GABPB1: variants seen among roughly 807,000 people sequenced by gnomAD.
The protein encoded by GABPB1 is GA-binding protein subunit beta-1.
In GABPB1, 15 loss-of-function variants were observed where a neutral mutation model predicts 45.9. The observed-to-expected ratio is 0.33, with a 90% CI of 0.22 to 0.50. GABPB1 has a LOEUF of 0.50. Ranked by LOEUF, GABPB1 falls within the 20% of genes least tolerant of loss-of-function variation. The pLI is 0.98. For synonymous variants in GABPB1, 143 were observed against 154.4 expected (o/e 0.93, Z 0.55); for missense variants, 252 against 457.5 (o/e 0.55, Z 4.10).
chr15:50,304,560 A>C (rs1281846748), intron 2 of GABPB1, among the ~76,000 whole-genome samples: 2 of 152,104 alleles, frequency 1.3e-5, no homozygotes, highest in Non-Finnish European at 2.9e-5. Context: ...AAAATACAGA[A>C]ATTAGCCAGG....
At chr15:50,302,573 G>A (rs1431050947) in intron 4 of GABPB1, among the ~76,000 whole-genome samples, 3 of 142,842 alleles carry the variant, frequency 2.1e-5, no homozygotes, top group Non-Finnish European at 3.0e-5. Flanking sequence ...GAACCCAGGA[G>A]GCAGAAGTTG....
At chr15:50,341,817 TA>T (rs1301509277) in intron 1 of GABPB1, among the ~76,000 whole-genome samples, 3 of 152,310 alleles carry the variant, frequency 2.0e-5, no homozygotes, top group African/African-American at 7.2e-5. Context: ...GTTTTGGAAT[TA>T]TTGAGAGATG....
At chr15:50,296,823 G>C (rs1044232137) in intron 6 of GABPB1, among the ~76,000 whole-genome samples, 2 of 150,706 alleles carry the variant, frequency 1.3e-5, no homozygotes, top group African/African-American at 4.9e-5. Context: ...ATCTGTGGTA[G>C]ATTTAGCTTT....
chr15:50,332,428 G>C (rs887920184), intron 1 of GABPB1, among the ~76,000 whole-genome samples: 1 of 152,092 alleles, frequency 6.6e-6, no homozygotes, highest in African/African-American at 2.4e-5. Context: ...ACCCTGTTTG[G>C]ATTCCAGTTT....
chr15:50,290,214 G>A (rs1420920658), intron 6 of GABPB1, among the ~76,000 whole-genome samples: 1 of 152,106 alleles, frequency 6.6e-6, no homozygotes, highest in Non-Finnish European at 1.5e-5. Flanking sequence ...ACATGTGAGT[G>A]GTTAAACAAT....
rs1169577789 is a variant in GABPB1 at position 50,355,034 on chromosome 15, G to C, written c.-50C>G. The C allele has an allele frequency of 6.4e-6, 1 of 155,300 alleles. No homozygotes were observed. Among genetic ancestry groups the C allele is most frequent in the Non-Finnish European group, 1.4e-5 (1 of 69,868 alleles). 9.6% of individuals were successfully genotyped at this position (155,300 alleles called of 1,614,324 possible). On this transcript the variant is annotated 5_prime_UTR_variant, in exon 1 of 9. Coordinates refer to ENST00000380877, the MANE Select transcript of GABPB1 (RefSeq NM_016654.5). The stretch of plus-strand genomic sequence containing the variant: ...CGGGAAGGCAGCAGGAGGTGGTGCG[G>C]GGACCCGAGGCGCCTCGTACCCGGC...
chr15:50,353,117 A>G (rs1371810149), intron 1 of GABPB1: 2 of 152,268 alleles, frequency 1.3e-5, no homozygotes, highest in Non-Finnish European at 2.9e-5. Flanking sequence ...TTACTTGTGT[A>G]AATCATTATA....
intron 1 of GABPB1, among the ~76,000 whole-genome samples, chr15:50,333,100 C>A (rs942813217): frequency 2.0e-5 from 3 of 151,726 alleles, no homozygotes; most frequent in African/African-American, 7.3e-5. Flanking sequence ...CTTAAAAATT[C>A]AGTTTATTGA....
chr15:50,305,603 T>G (rs941506198), intron 2 of GABPB1, among the ~76,000 whole-genome samples: 1 of 152,234 alleles, frequency 6.6e-6, no homozygotes, highest in Non-Finnish European at 1.5e-5. Flanking sequence ...TTTGTCAATT[T>G]TTCTTTAACT....
intron 1 of GABPB1, among the ~76,000 whole-genome samples, chr15:50,315,148 T>C (rs2047272196): frequency 6.6e-6 from 1 of 152,192 alleles, no homozygotes. Flanking sequence ...TTCTTTTCTT[T>C]TGAGATAGAG....
intron 1 of GABPB1, among the ~76,000 whole-genome samples, chr15:50,335,466 G>A (rs954049461): frequency 6.6e-6 from 1 of 152,256 alleles, no homozygotes; most frequent in Admixed American, 6.5e-5. Flanking sequence ...GCTTCAGTTC[G>A]CCAGATAGTC....
chr15:50,290,967 T>C (rs534553362), intron 6 of GABPB1, among the ~76,000 whole-genome samples: 2 of 152,300 alleles, frequency 1.3e-5, no homozygotes, highest in African/African-American at 2.4e-5. Context: ...TAGAAGAATA[T>C]ACATGGTAGC....
intron 1 of GABPB1, among the ~76,000 whole-genome samples, chr15:50,343,854 A>G (rs1192269464): frequency 2.0e-5 from 3 of 152,170 alleles, no homozygotes; most frequent in Non-Finnish European, 2.9e-5. Context: ...TGTAGTTACC[A>G]CACATGCACA....
intron 1 of GABPB1, among the ~76,000 whole-genome samples, chr15:50,321,764 G>C (rs1182229550): frequency 6.6e-6 from 1 of 151,392 alleles, no homozygotes; most frequent in Non-Finnish European, 1.5e-5. Context: ...TTGGCACACA[G>C]TAGAAACTCC....
intron 2 of GABPB1, among the ~76,000 whole-genome samples, chr15:50,306,458 C>T (rs1010253514): frequency 2.6e-5 from 4 of 151,948 alleles, no homozygotes; most frequent in African/African-American, 9.7e-5. Flanking sequence ...GGTGAAACCT[C>T]ATCTACTAAA....
At chr15:50,286,349 TTTA>T (rs1449070324) in intron 7 of GABPB1, among the ~76,000 whole-genome samples, 166 bp from the exon 8 acceptor site, 1 of 152,114 alleles carries the variant, frequency 6.6e-6, no homozygotes, top group African/African-American at 2.4e-5. Context: ...ATTTGTCTTT[TTTA>T]TTACCTTCTT....
At chr15:50,349,856 GT>G (rs2048755621) in intron 1 of GABPB1, 1 of 152,124 alleles carries the variant, frequency 6.6e-6, no homozygotes, top group Non-Finnish European at 1.5e-5. Flanking sequence ...CATTGTAGAA[GT>G]TAGAAAATTT....
chr15:50,348,493 C>T lies in GABPB1; in HGVS notation c.-1+6492G>A, dbSNP rs571247995. On this transcript the variant is annotated intron_variant, in intron 1 of 8. Transcript: ENST00000380877. The stretch of plus-strand genomic sequence containing the variant: ...CTCGAATTCTTGACCTCAAGTGATC[C>T]GCCCGCCTCGGCCTCCCAAAGTGCT... 7.2e-5 allele frequency among the ~76,000 whole-genome samples: 11 copies of T among 151,812 alleles called. No individual in the cohort carries two copies. The East Asian group carries it at 1.8e-3, about 24-fold the overall frequency.
intron 6 of GABPB1, among the ~76,000 whole-genome samples, chr15:50,291,910 T>C (rs1174829764): frequency 7.5e-6 from 1 of 132,854 alleles, no homozygotes; most frequent in African/African-American, 3.1e-5. Flanking sequence ...AGAGTGAGAC[T>C]CTGTCTCAAA....
Sources: gnomAD v4.1 joint callset for allele counts (sites outside exome capture counted in the v4.1 genomes callset) on GRCh38, gnomAD v4.1.1 for gene constraint, MANE v1.5 for transcripts, NCBI Gene and HGNC (gene_info 2026-07-23, HGNC 2026-07-21) for gene names.